Variants in WNK1 observed in about 807,000 individuals in gnomAD.
WNK1 encodes the protein serine/threonine-protein kinase WNK1.
Under a neutral mutation model 222.8 loss-of-function variants are expected in WNK1, and 38 were observed. The ratio of observed to expected loss-of-function variants is 0.17; its 90% CI spans 0.13 to 0.22. The LOEUF (loss-of-function observed/expected upper bound fraction) is 0.22. WNK1 is among the 10% of genes least tolerant of loss of function. WNK1 has a pLI of 1.00. For missense variants in WNK1, 2,348 were observed against 2,918.4 expected (o/e 0.80, Z 4.50); for synonymous variants, 1,090 against 1,092.9 (o/e 1.00, Z 0.05).
chr12:871,995 T>C (rs1952195196), intron 9 of WNK1, among the ~76,000 whole-genome samples: 2 of 152,258 alleles, frequency 1.3e-5, no homozygotes, highest in Non-Finnish European at 2.9e-5. Context: ...ATTACCTTCA[T>C]TGTGCTTGCC....
At chr12:768,307 T>G (rs536665830) in intron 1 of WNK1, among the ~76,000 whole-genome samples, 1 of 152,308 alleles carries the variant, frequency 6.6e-6, no homozygotes, top group African/African-American at 2.4e-5. Flanking sequence ...AGCTAATTTT[T>G]ATATTTTTAG....
At chr12:890,317 T>C in intron 21 of WNK1, 136 bp from the exon 22 acceptor site, 1 of 900,998 alleles carries the variant, frequency 1.1e-6, no homozygotes, top group Admixed American at 2.1e-5. Context: ...GAAGATAAAA[T>C]GTTCTCAGAC....
At chr12:883,677 AACAAAC>A in intron 16 of WNK1, 91 bp from the exon 17 acceptor site, 1 of 1,598,972 alleles carries the variant, frequency 6.3e-7, no homozygotes, top group Non-Finnish European at 8.6e-7. Context: ...CATGACCGAC[AACAAAC>A]TTTTATGTTC....
chr12:881,338 C>T, intron 12 of WNK1: 2 of 441,946 alleles, frequency 4.5e-6, no homozygotes, highest in Non-Finnish European at 8.4e-6. Flanking sequence ...TCTCAGCAAT[C>T]ATTTTTGCCC....
intron 4 of WNK1, among the ~76,000 whole-genome samples, chr12:855,402 T>A (rs894051515): frequency 6.6e-6 from 1 of 152,226 alleles, no homozygotes; most frequent in East Asian, 1.9e-4. Flanking sequence ...TTCGGAATAA[T>A]ACAATGAGTA....
chr12:804,910 T>A (rs1201351946), intron 1 of WNK1, among the ~76,000 whole-genome samples: 4 of 125,790 alleles, frequency 3.2e-5, no homozygotes, highest in South Asian at 2.5e-4. Flanking sequence ...TTTTTATATT[T>A]TATATATATA....
chr12:885,116 T>C lies in WNK1; in HGVS notation c.4312T>C (p.Ser1438Pro). The change falls in exon 19 of 28, where the codon TCT (serine) becomes CCT (proline). Residue 1438 changes from serine to proline, a missense_variant. By Grantham distance (74) the Ser-to-Pro change is moderately conservative (BLOSUM62 -1). Around this residue, in one of 13 missense-constraint regions of WNK1, gnomAD observed 1,144 missense variants for 1,273.6 expected, o/e 0.90. Transcript: ENST00000315939. The stretch of plus-strand genomic sequence containing the variant: ...GTCACTTCAAGTCCCCACATCCACA[T>C]CTGAGATCGTTGTTTCTAGTACAGC... ...SPSLQVPTST[S>P]EIVVSSTALY... 6.2e-7 allele frequency: 1 copy of C among 1,614,188 alleles called. No homozygotes were observed. The highest frequency in any genetic ancestry group is 1.1e-5 in the South Asian group (1 of 91,074).
intron 1 of WNK1, among the ~76,000 whole-genome samples, chr12:790,899 T>C (rs1944768014): frequency 6.6e-6 from 1 of 152,148 alleles, no homozygotes; most frequent in African/African-American, 2.4e-5. Context: ...AATGAAGATG[T>C]AGAAGTCCAA....
At chr12:844,007 T>G (rs1321367937) in intron 4 of WNK1, among the ~76,000 whole-genome samples, 1 of 152,214 alleles carries the variant, frequency 6.6e-6, no homozygotes, top group Non-Finnish European at 1.5e-5. Flanking sequence ...CAGTCATTCA[T>G]GTAAACTTTT....
intron 26 of WNK1, among the ~76,000 whole-genome samples, chr12:904,010 A>G (rs10849582): frequency 0.46 from 69,221 of 152,102 alleles, 16,476 homozygotes; most frequent in African/African-American, 0.58. Flanking sequence ...CAGTGATACT[A>G]TCAGTCTACT....
chr12:900,462 T>G lies in WNK1; in HGVS notation c.6449-14T>G, dbSNP rs967751848. ...GCTGGACATGTTTCCTCATGCCACT[T>G]TATCTTTTGGCAGGTAACCTGTCTG... On this transcript the variant is annotated splice_polypyrimidine_tract_variant and intron_variant, in intron 25 of 27. Coordinates refer to ENST00000315939, the MANE Select transcript of WNK1 (RefSeq NM_018979.4). 1 of 1,614,106 alleles carries G rather than the reference T, an allele frequency of 6.2e-7. No individual in the cohort carries two copies. Among genetic ancestry groups the G allele is most frequent in the Admixed American group, 1.7e-5 (1 of 60,026 alleles).
chr12:803,443 A>T (rs1302122400), intron 1 of WNK1, among the ~76,000 whole-genome samples: 1 of 152,206 alleles, frequency 6.6e-6, no homozygotes, highest in Non-Finnish European at 1.5e-5. Context: ...GGCTCTGGGG[A>T]TGTGGAGAGA....
At position 753,138 on chromosome 12, in the gene WNK1, C is replaced by G. The variant is rs1311223852; in HGVS notation, c.-428C>G. On this transcript the variant is annotated 5_prime_UTR_variant, in exon 1 of 28. Coordinates refer to ENST00000315939, the MANE Select transcript of WNK1 (RefSeq NM_018979.4). The surrounding 1 kb of genome is among the most constrained non-coding windows in gnomAD (Gnocchi z 5.2). The stretch of plus-strand genomic sequence containing the variant: ...CGGTGCCGCCGCCCTCTGGGCCTAG[C>G]CCGCCCAGCTCGGCGAGCGGCGGCA... 6.4e-6 allele frequency: 1 copy of G among 156,168 alleles called. No individual in the cohort carries two copies. The highest frequency in any genetic ancestry group is 6.5e-5 in the Admixed American group (1 of 15,288). 9.7% of individuals were successfully genotyped at this position (156,168 alleles called of 1,614,324 possible). A position where few individuals can be genotyped will look rare whatever the true frequency, so the allele number is the denominator to read the frequency against.
rs776979119 is a variant in WNK1 at position 753,920 on chromosome 12, C to A, written c.355C>A (p.Pro119Thr). The A allele has an allele frequency of 2.8e-5, 45 of 1,608,458 alleles. No individual in the cohort carries two copies. The East Asian group carries it at 9.6e-4, about 34-fold the overall frequency. The change falls in exon 1 of 28, where the codon CCC (proline) becomes ACC (threonine). Residue 119 changes from proline to threonine, a missense_variant. Pro to Thr is a conservative substitution (Grantham distance 38, BLOSUM62 -1). Transcript: ENST00000315939. This position sits in a 1 kb window ranked among gnomAD's most constrained non-coding sequence, Gnocchi z 5.2. The stretch of plus-strand genomic sequence containing the variant: ...TGTCCCGCAGAGTGCTCCACCGGAG[C>A]CCCACCGGGAAGAGACCGTGACCGC... ...AAVPQSAPPE[P>T]HREETVTATA...
intron 19 of WNK1, among the ~76,000 whole-genome samples, chr12:886,360 T>C (rs1016207389): frequency 2.0e-5 from 3 of 152,198 alleles, no homozygotes; most frequent in African/African-American, 7.2e-5. Flanking sequence ...TCTGAATTGG[T>C]ACAAACTGAA....
Position 908,818 on chromosome 12 carries a change from C to A in WNK1, c.*26C>A. The A allele has an allele frequency of 2.3e-6, 2 of 868,020 alleles. No homozygotes were observed. Among genetic ancestry groups the A allele is most frequent in the Non-Finnish European group, 3.4e-6 (2 of 595,642 alleles). 53.8% of individuals were successfully genotyped at this position (868,020 alleles called of 1,614,324 possible). A position where few individuals can be genotyped will look rare whatever the true frequency, so the allele number is the denominator to read the frequency against. On this transcript the variant is annotated 3_prime_UTR_variant, in exon 28 of 28. Transcript: ENST00000315939. ...ACCTAGAGACATTAACTGAATAGAT[C>A]TGGGGGCAGGAGATGGAATGCTGAG...
intron 1 of WNK1, among the ~76,000 whole-genome samples, chr12:783,269 T>C (rs191933842): frequency 6.6e-6 from 1 of 152,294 alleles, no homozygotes; most frequent in African/African-American, 2.4e-5. Flanking sequence ...TATATATTCT[T>C]TTCTATTACA....
chr12:772,930 G>A (rs2153952902), intron 1 of WNK1, among the ~76,000 whole-genome samples: 2 of 152,230 alleles, frequency 1.3e-5, no homozygotes, highest in Non-Finnish European at 2.9e-5. Flanking sequence ...ATTTGTAAAA[G>A]CCAAGTGTTA....
Position 753,386 on chromosome 12 carries a change from G to T in WNK1, c.-180G>T. The T allele has an allele frequency of 1.3e-6, 1 of 772,750 alleles. No individual in the cohort carries two copies. 47.9% of individuals were successfully genotyped at this position (772,750 alleles called of 1,614,324 possible). ...CTCGGTGCCAGCCCCCGCCGCAGCTGGGCCCAGCGGTCCGCCTGTCCCTCG... is the reference window on the plus strand; with the variant it reads ...CTCGGTGCCAGCCCCCGCCGCAGCTTGGCCCAGCGGTCCGCCTGTCCCTCG... On this transcript the variant is annotated 5_prime_UTR_variant, in exon 1 of 28. Coordinates refer to ENST00000315939, the MANE Select transcript of WNK1 (RefSeq NM_018979.4). The surrounding 1 kb of genome is among the most constrained non-coding windows in gnomAD (Gnocchi z 5.2).
Sources: gnomAD v4.1 joint callset for allele counts (sites outside exome capture counted in the v4.1 genomes callset) on GRCh38, gnomAD v4.1.1 for gene constraint, gnomAD v4.1.1 regional missense constraint, Gnocchi (gnomAD v3.1) non-coding constraint, MANE v1.5 for transcripts, NCBI Gene and HGNC (gene_info 2026-07-23, HGNC 2026-07-21) for gene names.